Variants in FAM117A observed in about 807,000 individuals in gnomAD.
FAM117A encodes protein FAM117A.
In FAM117A, 21 loss-of-function variants were observed where a neutral mutation model predicts 44.1. The observed-to-expected ratio is 0.48, with a 90% confidence interval of 0.34 to 0.69. The LOEUF (loss-of-function observed/expected upper bound fraction) is 0.69. FAM117A is among the 30% of genes least tolerant of loss of function. The pLI is 0.01. For missense variants in FAM117A, 498 were observed against 589.9 expected (o/e 0.84, Z 1.61); for synonymous variants, 220 against 238.3 (o/e 0.92, Z 0.71).
intron 1 of FAM117A, among the ~76,000 whole-genome samples, chr17:49,740,470 T>G (rs570154107): frequency 1.3e-5 from 2 of 152,174 alleles, no homozygotes; most frequent in East Asian, 1.9e-4. Context: ...AGGATGGTCT[T>G]GATCTTCTGA....
rs1401207294 is a variant in FAM117A at position 49,740,401 on chromosome 17, C to A, written c.197-7681G>T. Among the ~76,000 whole-genome samples the A allele has an allele frequency of 2.0e-5, 3 of 152,278 alleles. No homozygotes were observed. The South Asian group carries it at 6.2e-4, about 32-fold the overall frequency. On this transcript the variant is annotated intron_variant, in intron 1 of 7. Coordinates refer to ENST00000240364, the MANE Select transcript of FAM117A (RefSeq NM_030802.4). The stretch of plus-strand genomic sequence containing the variant: ...AGTAGCTGGGACTACAGGCGCCCAC[C>A]ACCGCGCCCGGCTAATTTTTTGTAT...
chr17:49,713,650 G>T (rs1341506941), intron 7 of FAM117A, among the ~76,000 whole-genome samples: 1 of 151,880 alleles, frequency 6.6e-6, no homozygotes, highest in African/African-American at 2.4e-5. Flanking sequence ...AGGATTACAG[G>T]CACCCACCAC....
At chr17:49,723,066 A>T (rs1489120894) in intron 2 of FAM117A, among the ~76,000 whole-genome samples, 1 of 152,172 alleles carries the variant, frequency 6.6e-6, no homozygotes. Flanking sequence ...GGGATTATTA[A>T]CTGGTAAAAC....
chr17:49,715,814 C>A (rs780743253), intron 7 of FAM117A, among the ~76,000 whole-genome samples: 13 of 152,144 alleles, frequency 8.5e-5, no homozygotes, highest in Admixed American at 2.6e-4. Context: ...CCATCTCTCG[C>A]TCTCGCTCTC....
At chr17:49,730,704 A>G (rs1287361079) in intron 2 of FAM117A, among the ~76,000 whole-genome samples, 1 of 152,192 alleles carries the variant, frequency 6.6e-6, no homozygotes, top group Admixed American at 6.5e-5. Flanking sequence ...GCCTGTGAGG[A>G]GGAAGCATAA....
chr17:49,753,545 G>C (rs187733595), intron 1 of FAM117A, among the ~76,000 whole-genome samples: 18 of 152,344 alleles, frequency 1.2e-4, no homozygotes, highest in Non-Finnish European at 2.9e-5. Context: ...GCCAGGCACG[G>C]TGGCTCACGC....
intron 1 of FAM117A, among the ~76,000 whole-genome samples, chr17:49,739,940 G>A (rs910291530): frequency 6.6e-6 from 1 of 152,236 alleles, no homozygotes; most frequent in African/African-American, 2.4e-5. Flanking sequence ...TCACCATGCA[G>A]CTGAGCAGTG....
intron 2 of FAM117A, chr17:49,724,458 T>G (rs181955363): frequency 2.2e-6 from 1 of 456,220 alleles, no homozygotes; most frequent in African/African-American, 2.0e-5. Flanking sequence ...TACTAATATC[T>G]CTTGCAAACT....
rs192551029 is a variant in FAM117A, at chr17:49,749,754, C to T, written c.196+14138G>A. Among the ~76,000 whole-genome samples the T allele has an allele frequency of 5.2e-4, 77 of 148,092 alleles. 1 individual carries two copies. The highest frequency in any genetic ancestry group is 1.8e-3 in the African/African-American group (73 of 41,180). ...ACTCCACTGCTGGGTCAATGTGAGG[C>T]GTGGACTGGGCTGGGACACACGGCA... On this transcript the variant is annotated intron_variant, in intron 1 of 7. Transcript: ENST00000240364.
At chr17:49,740,905 T>C (rs746556965) in intron 1 of FAM117A, among the ~76,000 whole-genome samples, 2 of 152,186 alleles carry the variant, frequency 1.3e-5, no homozygotes, top group Non-Finnish European at 2.9e-5. Context: ...TGAGGCATTG[T>C]GGCTGCTCTT....
At chr17:49,749,238 G>A (rs1326983290) in intron 1 of FAM117A, among the ~76,000 whole-genome samples, 2 of 152,036 alleles carry the variant, frequency 1.3e-5, no homozygotes, top group African/African-American at 2.4e-5. Context: ...TGAGGTAATA[G>A]TCCCTCATGG....
intron 7 of FAM117A, among the ~76,000 whole-genome samples, chr17:49,712,913 C>G (rs1479147700): frequency 6.6e-6 from 1 of 152,086 alleles, no homozygotes; most frequent in African/African-American, 2.4e-5. Flanking sequence ...GTCTTGCTCT[C>G]TCACCCAAGC....
At chr17:49,786,105 C>T (rs1274418196) in intron 1 of FAM117A, among the ~76,000 whole-genome samples, 4 of 152,164 alleles carry the variant, frequency 2.6e-5, no homozygotes, top group African/African-American at 9.7e-5. Context: ...GGCTGGTCTA[C>T]TTTCAAGTAC....
At chr17:49,753,432 G>A (rs2073685008) in intron 1 of FAM117A, among the ~76,000 whole-genome samples, 1 of 152,168 alleles carries the variant, frequency 6.6e-6, no homozygotes, top group East Asian at 1.9e-4. Flanking sequence ...AATGCCACCT[G>A]CACCTGCAGG....
rs1555599655 is a variant in FAM117A, at chr17:49,782,701, A to AAC, written c.-621+5795_-621+5796insGT. Among the ~76,000 whole-genome samples the AAC allele has an allele frequency of 1.9e-3, 279 of 147,602 alleles. 1 individual carries two copies. The highest frequency in any genetic ancestry group is 2.5e-3 in the Non-Finnish European group (165 of 67,030). On this transcript the variant is annotated intron_variant, in intron 1 of 7. Coordinates refer to the FAM117A transcript ENST00000513602. ...CTAGACTTTGTCTCAAAAAAAAAAA[A>AAC]AAAAAAAAAACCCTTTGTGGCGGCA... is the stretch of plus-strand genomic sequence containing the variant.
chr17:49,760,533 A>C (rs2073718730), intron 1 of FAM117A, among the ~76,000 whole-genome samples: 1 of 152,156 alleles, frequency 6.6e-6, no homozygotes, highest in Non-Finnish European at 1.5e-5. Context: ...TGGCCTGTAG[A>C]CCATAACTGC....
chr17:49,748,164 T>C (rs2073660928), intron 1 of FAM117A, among the ~76,000 whole-genome samples: 1 of 152,204 alleles, frequency 6.6e-6, no homozygotes, highest in South Asian at 2.1e-4. Context: ...TCAGGGATGC[T>C]TAACAGTAAT....
intron 1 of FAM117A, among the ~76,000 whole-genome samples, chr17:49,769,196 G>A (rs1466976782): frequency 6.6e-6 from 1 of 152,010 alleles, no homozygotes; most frequent in Non-Finnish European, 1.5e-5. Flanking sequence ...TTGGGAGGCT[G>A]AGATAGAAGA....
rs1271545699 is a variant in FAM117A, at chr17:49,759,768, T to C, written c.196+4124A>G. On this transcript the variant is annotated intron_variant, in intron 1 of 7. Transcript: ENST00000240364. The stretch of plus-strand genomic sequence containing the variant: ...AAAGGAGTTTAACAATTTAATAATA[T>C]AAGCACTGCAGCCTCGTATTCACGA... 1.3e-5 allele frequency among the ~76,000 whole-genome samples: 2 copies of C among 152,168 alleles called. 1 individual carries two copies. The highest frequency in any genetic ancestry group is 4.8e-5 in the African/African-American group (2 of 41,456).
Sources: allele counts gnomAD v4.1 joint callset (sites outside exome capture counted in the v4.1 genomes callset), GRCh38; gene constraint gnomAD v4.1.1; transcripts MANE v1.5; gene names NCBI Gene and HGNC (gene_info 2026-07-23, HGNC 2026-07-21).